The following DIS3 variants were observed in gnomAD, a reference collection of about 807,000 sequenced individuals.
DIS3 encodes exosome complex exonuclease RRP44.
Under a neutral mutation model 113.0 loss-of-function variants are expected in DIS3, and 103 were observed. The observed-to-expected ratio is 0.91, with a 90% confidence interval of 0.78 to 1.07. The LOEUF (loss-of-function observed/expected upper bound fraction) is 1.07, where lower values mean the gene tolerates loss of function less well. Ranked by LOEUF, DIS3 falls within the 50% of genes least tolerant of loss-of-function variation. The pLI is 0.00. For synonymous variants in DIS3, 402 were observed against 394.3 expected (o/e 1.02, Z -0.23); for missense variants, 1,121 against 1,167.1 (o/e 0.96, Z 0.58).
At chr13:72,765,799 G>A (rs915339406) in intron 15 of DIS3, among the ~76,000 whole-genome samples, 173 bp downstream of exon 15, 62 of 152,104 alleles carry the variant, frequency 4.1e-4, no homozygotes, top group Non-Finnish European at 7.8e-4. Flanking sequence ...CAGTTTTATA[G>A]AAGAAAAACT....
Position 72,753,838 on chromosome 13 carries a change from G to A in DIS3, c.*5957C>T. The A allele has an allele frequency of 6.3e-7, 1 of 1,598,812 alleles. No homozygotes were observed. The highest frequency in any genetic ancestry group is 8.6e-7 in the Non-Finnish European group (1 of 1,167,372). On this transcript the variant is annotated 3_prime_UTR_variant, in exon 21 of 21. Coordinates refer to ENST00000377767, the MANE Select transcript of DIS3 (RefSeq NM_014953.5). The stretch of plus-strand genomic sequence containing the variant: ...AATATGAAGGTACGGAGAAAATATA[G>A]TGAAAGCTTAATATTGTTTAGATTA...
chr13:72,770,825 C>T lies in DIS3; in HGVS notation c.1755+79G>A, dbSNP rs574351234. 92 of 980,650 alleles carry T rather than the reference C, an allele frequency of 9.4e-5. 1 individual carries two copies. In the South Asian group the frequency reaches 1.7e-3, roughly 18 times the overall value. The allele number at this position is 980,650 out of a possible 1,614,324, so 60.7% of individuals were successfully genotyped here. A position where few individuals can be genotyped will look rare whatever the true frequency, so the allele number is the denominator to read the frequency against. ...TGTGTATATATACGTACATGTGAAT[C>T]TTTAAAAAATTTATTTAGCTTTTTT... On this transcript the variant is annotated intron_variant, in intron 13 of 20. Transcript: ENST00000377767.
rs1332527893 is a variant in DIS3, at chr13:72,752,345, ACATATTAGG to A, written c.*7441_*7449del. The A allele has an allele frequency of 6.6e-6, 1 of 152,132 alleles. No individual in the cohort carries two copies. Among genetic ancestry groups the A allele is most frequent in the Non-Finnish European group, 1.5e-5 (1 of 68,028 alleles). 9.4% of individuals were successfully genotyped at this position (152,132 alleles called of 1,614,324 possible). On this transcript the variant is annotated 3_prime_UTR_variant, in exon 21 of 21. Coordinates refer to ENST00000377767, the MANE Select transcript of DIS3 (RefSeq NM_014953.5). ...ACAAGGTATCTGTTGCCTGGTTGGT[ACATATTAGG>A]CATTGACATTAGCAGAAGTCTAGAT...
At chr13:72,778,048 A>G (rs112021851) in intron 3 of DIS3, 139 bp downstream of exon 3, 6 of 839,362 alleles carry the variant, frequency 7.1e-6, no homozygotes, top group African/African-American at 5.1e-5. Context: ...GTGAAATTTA[A>G]AAATACAAAA....
chr13:72,764,666 T>G (rs2033705442), intron 15 of DIS3, among the ~76,000 whole-genome samples: 1 of 152,216 alleles, frequency 6.6e-6, no homozygotes, highest in Non-Finnish European at 1.5e-5. Flanking sequence ...ATACAGTGCT[T>G]TCTGTCTTGC....
In DIS3 at chr13:72,772,229, A is replaced by C; in HGVS notation, c.1433T>G (p.Val478Gly). ...EDLRHLCICS[V>G]DPPGCTDIDD... is the part of the protein sequence containing the mutation. ...TATATCAGTACATCCTGGTGGGTCT[A>C]CACTACAAATACACAGATGCCTCAG... is the stretch of plus-strand genomic sequence containing the variant. Residue 478 changes from valine (V) to glycine (G), a missense_variant, in exon 10 of 21, where the codon GTA (valine) becomes GGA (glycine). Val to Gly is a moderately radical substitution (Grantham distance 109). This residue lies in a region of DIS3 where 861 missense variants were observed against 915.5 expected (regional missense o/e 0.94). Coordinates refer to ENST00000377767, the MANE Select transcript of DIS3 (RefSeq NM_014953.5). 1 of 1,613,452 alleles carries C rather than the reference A, an allele frequency of 6.2e-7. No homozygotes were observed. The highest frequency in any genetic ancestry group is 8.5e-7 in the Non-Finnish European group (1 of 1,179,912).
At chr13:72,767,700 T>C (rs1339233413) in intron 14 of DIS3, among the ~76,000 whole-genome samples, 2 of 152,196 alleles carry the variant, frequency 1.3e-5, no homozygotes, top group Non-Finnish European at 2.9e-5. Context: ...GCACTTGAAA[T>C]ATGGCTAGTA....
intron 20 of DIS3, among the ~76,000 whole-genome samples, chr13:72,760,169 A>T (rs915924152): frequency 6.6e-6 from 1 of 152,204 alleles, no homozygotes; most frequent in African/African-American, 2.4e-5. Context: ...GATTGACAGA[A>T]TCAGAGTTGA....
intron 9 of DIS3, 21 bp downstream of exon 9, chr13:72,772,672 T>C: frequency 3.1e-6 from 5 of 1,588,794 alleles, no homozygotes; most frequent in Non-Finnish European, 4.3e-6. Context: ...ATAAAGTCAC[T>C]ACAAATTACT....
At chr13:72,778,469 A>G in intron 2 of DIS3, 89 bp from the exon 3 acceptor site, 1 of 1,073,562 alleles carries the variant, frequency 9.3e-7, no homozygotes. Flanking sequence ...TAACCACTAA[A>G]CTAGAAAAAG....
chr13:72,756,557 G>A lies in DIS3; in HGVS notation c.*3238C>T, dbSNP rs966605669. On this transcript the variant is annotated 3_prime_UTR_variant, in exon 21 of 21. Coordinates refer to ENST00000377767, the MANE Select transcript of DIS3 (RefSeq NM_014953.5). ...TCACTACTTGATCTGGGCTGATATG[G>A]TATGGCTCTGTGTCCTCACCCAAAT... is the stretch of plus-strand genomic sequence containing the variant. 2 of 152,132 alleles carry A rather than the reference G, an allele frequency of 1.3e-5. No individual in the cohort carries two copies. The highest frequency in any genetic ancestry group is 4.8e-5 in the African/African-American group (2 of 41,418). The allele number at this position is 152,132 out of a possible 1,614,324, so 9.4% of individuals were successfully genotyped here.
Position 72,763,498 on chromosome 13 carries a change from G to C in DIS3, c.2080C>G (p.Pro694Ala). Residue 694 changes from proline (P) to alanine (A), a missense_variant, in exon 16 of 21, where the codon CCA (proline) becomes GCA (alanine). Physicochemically the swap from Pro to Ala is conservative, Grantham distance 27. Transcript: ENST00000377767. ...AGAATTTCATAATTTGATGGAGGTG[G>C]AGCAGGATGTTTTCGAAGCAGAGCA... The part of the protein sequence containing the change: ...EHALLRKHPA[P>A]PPSNYEILVK... 2 of 1,613,988 alleles carry C rather than the reference G, an allele frequency of 1.2e-6. No homozygotes were observed. Among genetic ancestry groups the C allele is most frequent in the South Asian group, 2.2e-5 (2 of 91,016 alleles).
Position 72,765,997 on chromosome 13 carries a change from T to C in DIS3, c.1945A>G (p.Ile649Val), listed in dbSNP as rs377447325. The C allele has an allele frequency of 6.6e-5, 106 of 1,611,228 alleles. No homozygotes were observed. The highest frequency in any genetic ancestry group is 1.6e-4 in the Middle Eastern group (1 of 6,068). ...FHMDSETHDP[I>V]DLQTKELRET... ...CTAAGTTCCTTGGTCTGCAGATCTATAGGATCGTGAGTTTCACTGTCCATG... is the reference window on the plus strand; with the variant it reads ...CTAAGTTCCTTGGTCTGCAGATCTACAGGATCGTGAGTTTCACTGTCCATG... The change falls in exon 15 of 21, where the codon ATA (isoleucine) becomes GTA (valine). Residue 649 changes from isoleucine (I) to valine (V), a missense_variant. Ile to Val is a conservative substitution (Grantham distance 29). Around this residue, in one of 3 missense-constraint regions of DIS3, gnomAD observed 861 missense variants for 915.5 expected, o/e 0.94. Transcript: ENST00000377767.
At position 72,754,019 on chromosome 13, in the gene DIS3, G is replaced by A. The variant is rs1188461711; in HGVS notation, c.*5776C>T. ...ACAAGTATCTTACATACTACAAAGTGTGCAAAGGTAGCGTGTATTTGATGA... is the reference window on the plus strand; with the variant it reads ...ACAAGTATCTTACATACTACAAAGTATGCAAAGGTAGCGTGTATTTGATGA... On this transcript the variant is annotated 3_prime_UTR_variant, in exon 21 of 21. Coordinates refer to ENST00000377767, the MANE Select transcript of DIS3 (RefSeq NM_014953.5). 3 of 518,082 alleles carry A rather than the reference G, an allele frequency of 5.8e-6. No homozygotes were observed. Among genetic ancestry groups the A allele is most frequent in the East Asian group, 6.7e-5 (2 of 29,632 alleles). 32.1% of individuals were successfully genotyped at this position (518,082 alleles called of 1,614,324 possible).
chr13:72,771,383 T>A (rs909579260), intron 11 of DIS3, among the ~76,000 whole-genome samples: 7 of 152,134 alleles, frequency 4.6e-5, no homozygotes. Flanking sequence ...TTAATCTAAG[T>A]TTAAGCCCTC....
chr13:72,781,635 C>T lies in DIS3; in HGVS notation c.198G>A (p.Leu66=). 6.5e-7 allele frequency: 1 copy of T among 1,539,512 alleles called. No homozygotes were observed. The highest frequency in any genetic ancestry group is 8.8e-7 in the Non-Finnish European group (1 of 1,141,216). The part of the protein sequence containing the change: ...ASSVCPQPHY[L]LPDTNVLLHQ... ...GCAGTAACACATTAGTGTCGGGCAGCAAGTAGTGCGGTTGCGGGCAGACGC... is the reference window on the plus strand; with the variant it reads ...GCAGTAACACATTAGTGTCGGGCAGTAAGTAGTGCGGTTGCGGGCAGACGC... The change falls in exon 1 of 21, where the codon TTG becomes TTA. Residue 66 remains leucine (L), a synonymous_variant. Coordinates refer to ENST00000377767, the MANE Select transcript of DIS3 (RefSeq NM_014953.5).
intron 13 of DIS3, among the ~76,000 whole-genome samples, chr13:72,769,225 AAC>A (rs1457101467): frequency 6.6e-6 from 1 of 152,222 alleles, no homozygotes; most frequent in Non-Finnish European, 1.5e-5. Context: ...GCTAAAATAA[AAC>A]ACAAAGGTAG....
chr13:72,767,309 C>A (rs577558737), intron 14 of DIS3, among the ~76,000 whole-genome samples: 1 of 151,958 alleles, frequency 6.6e-6, no homozygotes, highest in East Asian at 1.9e-4. Context: ...GTTACAAATG[C>A]GAATTCTTAC....
At chr13:72,762,426 A>C (rs1400687524) in intron 16 of DIS3, among the ~76,000 whole-genome samples, 1 of 152,174 alleles carries the variant, frequency 6.6e-6, no homozygotes, top group Non-Finnish European at 1.5e-5. Flanking sequence ...TGAAGGAAAA[A>C]ATCCCTATTT....
Sources: gnomAD v4.1 joint callset for allele counts (sites outside exome capture counted in the v4.1 genomes callset) on GRCh38, gnomAD v4.1.1 for gene constraint, gnomAD v4.1.1 regional missense constraint, MANE v1.5 for transcripts, NCBI Gene and HGNC (gene_info 2026-07-23, HGNC 2026-07-21) for gene names.